Variants in BNIP3L observed in about 807,000 individuals in gnomAD.
BNIP3L encodes BCL2/adenovirus E1B 19 kDa protein-interacting protein 3-like.
In BNIP3L, 10 loss-of-function variants were observed where a neutral mutation model predicts 25.5. The ratio of observed to expected loss-of-function variants is 0.39; its 90% CI spans 0.24 to 0.67. The LOEUF (loss-of-function observed/expected upper bound fraction) is 0.67, where lower values mean the gene tolerates loss of function less well. Ranked by LOEUF, BNIP3L falls within the 30% of genes least tolerant of loss-of-function variation. The probability of loss-of-function intolerance (pLI) is 0.45; values close to 1 mark genes in which losing one functional copy is unlikely to be tolerated. For missense variants in BNIP3L, 215 were observed against 270.9 expected, an observed-to-expected ratio of 0.79 and a Z score of 1.45; for synonymous variants, 113 against 101.2, an observed-to-expected ratio of 1.12 and a Z score of -0.70.
intron 2 of BNIP3L, among the ~76,000 whole-genome samples, chr8:26,394,130 T>C (rs1313180279): frequency 1.3e-5 from 2 of 152,180 alleles, no homozygotes; most frequent in African/African-American, 4.8e-5. Context: ...CCAGTGACTT[T>C]CAGTTTTTAT....
At chr8:26,403,388 G>A (rs1806433918) in intron 3 of BNIP3L, among the ~76,000 whole-genome samples, 2 of 152,042 alleles carry the variant, frequency 1.3e-5, no homozygotes, top group African/African-American at 2.4e-5. Context: ...ACTTAAAAAA[G>A]CAGTTAAAGG....
intron 3 of BNIP3L, among the ~76,000 whole-genome samples, chr8:26,402,411 A>C (rs765507570): frequency 6.6e-6 from 1 of 152,244 alleles, no homozygotes; most frequent in Non-Finnish European, 1.5e-5. Flanking sequence ...CCAGGAGAGA[A>C]ATCGAATTCT....
intron 5 of BNIP3L, 90 bp from the exon 6 acceptor site, chr8:26,410,274 C>T (rs1806592527): frequency 2.1e-6 from 3 of 1,451,164 alleles, no homozygotes; most frequent in Non-Finnish European, 2.9e-6. Flanking sequence ...TTTACAAAGA[C>T]TGAAGAGTTT....
intron 3 of BNIP3L, 39 bp from the exon 4 acceptor site, chr8:26,407,961 T>C (rs372154844): frequency 1.9e-6 from 3 of 1,570,812 alleles, no homozygotes; most frequent in Non-Finnish European, 2.6e-6. Flanking sequence ...GAGGAATTGG[T>C]CTTCCTTTTT....
chr8:26,394,829 T>G (rs987124094), intron 2 of BNIP3L, among the ~76,000 whole-genome samples: 21 of 152,170 alleles, frequency 1.4e-4, no homozygotes, highest in Admixed American at 9.2e-4. Flanking sequence ...TTATGCACTT[T>G]GAGAACTACT....
Position 26,412,795 on chromosome 8 carries a change from A to G in BNIP3L, c.*2383A>G, listed in dbSNP as rs1806659607. 1 of 152,756 alleles carries G rather than the reference A, an allele frequency of 6.5e-6. No homozygotes were observed. Among genetic ancestry groups the G allele is most frequent in the South Asian group, 2.1e-4 (1 of 4,828 alleles). The allele number at this position is 152,756 out of a possible 1,614,324, so 9.5% of individuals were successfully genotyped here. On this transcript the variant is annotated 3_prime_UTR_variant, in exon 6 of 6. Coordinates refer to ENST00000380629, the MANE Select transcript of BNIP3L (RefSeq NM_004331.3). ...ATTTGGGGACAAAAAGGCAGGCTTC[A>G]TTTTTCATATGTTTGATGAAAACTG...
At chr8:26,396,923 A>G (rs1436978389) in intron 3 of BNIP3L, among the ~76,000 whole-genome samples, 1 of 84,152 alleles carries the variant, frequency 1.2e-5, no homozygotes, top group Non-Finnish European at 2.3e-5. Context: ...GTTTAGAGAA[A>G]AAAGAATAAA....
chr8:26,408,827 A>G (rs565163266), intron 5 of BNIP3L, among the ~76,000 whole-genome samples: 5 of 149,820 alleles, frequency 3.3e-5, no homozygotes, highest in African/African-American at 1.2e-4. Context: ...AGCCGAGATC[A>G]TGCCACTGCA....
chr8:26,392,980 GT>G (rs531769338), intron 2 of BNIP3L, among the ~76,000 whole-genome samples: 47 of 152,110 alleles, frequency 3.1e-4, no homozygotes, highest in African/African-American at 1.1e-3. Flanking sequence ...CTATGATCAT[GT>G]TTAAGTTTAG....
At chr8:26,406,939 T>C (rs1483324217) in intron 3 of BNIP3L, among the ~76,000 whole-genome samples, 2 of 152,170 alleles carry the variant, frequency 1.3e-5, no homozygotes, top group Admixed American at 1.3e-4. Context: ...TCTCATCATT[T>C]TATTTTTAGC....
intron 3 of BNIP3L, among the ~76,000 whole-genome samples, chr8:26,401,571 A>C (rs1585437499): frequency 1.3e-5 from 2 of 151,420 alleles, no homozygotes; most frequent in East Asian, 3.9e-4. Context: ...TAAAAAAAAA[A>C]AACAAAAAAA....
chr8:26,407,903 A>G (rs1041245806), intron 3 of BNIP3L, 97 bp from the exon 4 acceptor site: 27 of 1,063,910 alleles, frequency 2.5e-5, no homozygotes, highest in African/African-American at 9.7e-5. Context: ...CTGAGACACA[A>G]CCTTATGAGT....
chr8:26,395,493 T>G, intron 3 of BNIP3L, 191 bp downstream of exon 3: 6 of 563,208 alleles, frequency 1.1e-5, no homozygotes, highest in Non-Finnish European at 1.2e-5. Context: ...TTTTGGGCCC[T>G]GTCACTCTAA....
chr8:26,383,926 G>T (rs907258685), intron 1 of BNIP3L, among the ~76,000 whole-genome samples: 5 of 150,786 alleles, frequency 3.3e-5, no homozygotes, highest in African/African-American at 4.9e-5. Flanking sequence ...GATGGGTTGT[G>T]CGCCCAGTAA....
chr8:26,410,240 G>A (rs1044885730), intron 5 of BNIP3L, 124 bp from the exon 6 acceptor site: 30 of 1,018,000 alleles, frequency 2.9e-5, no homozygotes, highest in Non-Finnish European at 4.4e-5. Context: ...TTTGGGGAGC[G>A]GTACCCACAA....
At chr8:26,388,126 C>T (rs929649904) in intron 1 of BNIP3L, among the ~76,000 whole-genome samples, 4 of 152,146 alleles carry the variant, frequency 2.6e-5, no homozygotes, top group Non-Finnish European at 4.4e-5. Flanking sequence ...AAAGTGGCTC[C>T]TTTGGGAGTA....
chr8:26,408,052 G>A lies in BNIP3L; in HGVS notation c.410G>A (p.Ser137Asn), dbSNP rs765790935. 1 of 1,614,210 alleles carries A rather than the reference G, an allele frequency of 6.2e-7. No homozygotes were observed. The highest frequency in any genetic ancestry group is 1.1e-5 in the South Asian group (1 of 91,086). ...GEKEVEALKK[S>N]ADWVSDWSSR... The stretch of plus-strand genomic sequence containing the variant: ...AAGGAAGTCGAGGCTTTGAAGAAAA[G>A]TGCGGACTGGGTATCAGACTGGTCC... Residue 137 changes from serine (S) to asparagine (N), a missense_variant, in exon 4 of 6, where the codon AGT (serine) becomes AAT (asparagine). Around this residue, in one of 4 missense-constraint regions of BNIP3L, gnomAD observed 47 missense variants for 43.3 expected, o/e 1.09. Coordinates refer to ENST00000380629, the MANE Select transcript of BNIP3L (RefSeq NM_004331.3).
chr8:26,410,924 C>G lies in BNIP3L; in HGVS notation c.*512C>G, dbSNP rs1055775. The G allele has an allele frequency of 1.4e-5, 2 of 139,254 alleles. No homozygotes were observed. The highest frequency in any genetic ancestry group is 3.1e-5 in the Non-Finnish European group (2 of 63,670). 8.6% of individuals were successfully genotyped at this position (139,254 alleles called of 1,614,324 possible). On this transcript the variant is annotated 3_prime_UTR_variant, in exon 6 of 6. Coordinates refer to ENST00000380629, the MANE Select transcript of BNIP3L (RefSeq NM_004331.3). ...GAGTTGATAGTTATTAAAAAGAAAA[C>G]AAAACAAAAAAAAAAGGCAAGGCAC...
intron 1 of BNIP3L, among the ~76,000 whole-genome samples, chr8:26,388,825 A>AAATAAATAAATG (rs1422793594): frequency 6.6e-6 from 1 of 151,028 alleles, no homozygotes; most frequent in East Asian, 2.0e-4. Flanking sequence ...ATAAATAAAT[A>AAATAAATAAATG]AATAAATAAA....
Sources: allele counts gnomAD v4.1 joint callset (sites outside exome capture counted in the v4.1 genomes callset), GRCh38; gene constraint gnomAD v4.1.1; regional missense constraint gnomAD v4.1.1; transcripts MANE v1.5; gene names NCBI Gene and HGNC (gene_info 2026-07-23, HGNC 2026-07-21).